The following PKHD1 variants were observed in gnomAD, a reference collection of about 807,000 sequenced individuals.
PKHD1 encodes fibrocystin.
Under a neutral mutation model 412.0 loss-of-function variants are expected in PKHD1, and 291 were observed. The ratio of observed to expected loss-of-function variants is 0.71; its 90% CI spans 0.64 to 0.78. PKHD1 has a LOEUF of 0.78. Ranked by LOEUF, PKHD1 falls within the 30% of genes least tolerant of loss-of-function variation. The pLI is 0.00. For synonymous variants in PKHD1, 1,777 were observed against 1,821.5 expected (o/e 0.98, Z 0.62); for missense variants, 4,825 against 4,950.7 (o/e 0.97, Z 0.76).
chr6:51,771,834 T>A (rs1202295916), intron 55 of PKHD1, among the ~76,000 whole-genome samples: 1 of 152,132 alleles, frequency 6.6e-6, no homozygotes, highest in Admixed American at 6.6e-5. Context: ...TCACAATATT[T>A]TTTTCCTTAA....
rs949358426 is a variant in PKHD1 at position 52,069,315 on chromosome 6, AC to A, written c.778+141del. 5.3e-6 allele frequency: 4 copies of A among 753,072 alleles called. No homozygotes were observed. The African/African-American group carries it at 6.9e-5, about 13-fold the overall frequency. 46.6% of individuals were successfully genotyped at this position (753,072 alleles called of 1,614,324 possible). ...CATGGATACAAGCAATTTAATCTCA[AC>A]CAAAAACACCAGGCTGTCTATGATT... is the stretch of plus-strand genomic sequence containing the variant. On this transcript the variant is annotated intron_variant, in intron 11 of 66. Coordinates refer to ENST00000371117, the MANE Select transcript of PKHD1 (RefSeq NM_138694.4).
intron 64 of PKHD1, among the ~76,000 whole-genome samples, chr6:51,637,514 C>T (rs1042344424): frequency 6.6e-6 from 1 of 151,564 alleles, no homozygotes; most frequent in Admixed American, 6.6e-5. Context: ...CCAGGAAGAA[C>T]ATGAAACTGG....
At chr6:52,074,856 C>G (rs1020651629) in intron 6 of PKHD1, among the ~76,000 whole-genome samples, 2 of 152,168 alleles carry the variant, frequency 1.3e-5, no homozygotes, top group Non-Finnish European at 2.9e-5. Flanking sequence ...GGATCCTGCC[C>G]AGGGGGGACC....
At chr6:51,900,721 A>C (rs1781108774) in intron 43 of PKHD1, among the ~76,000 whole-genome samples, 1 of 151,512 alleles carries the variant, frequency 6.6e-6, no homozygotes. Context: ...AACTACCATC[A>C]GAGTGAACAG....
At chr6:51,651,328 T>C (rs1770928257) in intron 61 of PKHD1, among the ~76,000 whole-genome samples, 2 of 152,304 alleles carry the variant, frequency 1.3e-5, no homozygotes, top group South Asian at 4.1e-4. Flanking sequence ...TTTTTTACGA[T>C]ATGTTATAAT....
intron 27 of PKHD1, among the ~76,000 whole-genome samples, chr6:52,039,764 A>G (rs1479027490): frequency 6.6e-6 from 1 of 152,202 alleles, no homozygotes; most frequent in African/African-American, 2.4e-5. Context: ...TATATACCCA[A>G]AAGAACTGAA....
intron 6 of PKHD1, among the ~76,000 whole-genome samples, chr6:52,075,981 A>G (rs923449876): frequency 1.2e-4 from 19 of 152,290 alleles, no homozygotes; most frequent in Middle Eastern, 6.8e-3. Context: ...ATAAAGTTAA[A>G]AGCAAGGATG....
chr6:51,689,666 T>C (rs1229204673), intron 60 of PKHD1, among the ~76,000 whole-genome samples: 1 of 152,174 alleles, frequency 6.6e-6, no homozygotes, highest in Non-Finnish European at 1.5e-5. Context: ...ACAAAATCAA[T>C]GTGCAAAAAT....
At chr6:51,699,420 CT>C (rs1473341901) in intron 60 of PKHD1, among the ~76,000 whole-genome samples, 2 of 152,146 alleles carry the variant, frequency 1.3e-5, no homozygotes, top group African/African-American at 4.8e-5. Flanking sequence ...TAGTTTGTCC[CT>C]TTTTACTTCT....
intron 60 of PKHD1, among the ~76,000 whole-genome samples, chr6:51,735,783 A>T (rs1295883417): frequency 6.6e-6 from 1 of 151,964 alleles, no homozygotes. Context: ...TTTTAAAAAA[A>T]ACTAGCCAGG....
intron 3 of PKHD1, 49 bp downstream of exon 3, chr6:52,083,129 T>C (rs768260507): frequency 1.9e-5 from 23 of 1,186,140 alleles, no homozygotes; most frequent in Non-Finnish European, 2.8e-5. Context: ...GTCTTTAGGA[T>C]TGTGGGTCAA....
At chr6:52,028,384 T>C (rs751396588) in intron 29 of PKHD1, 33 bp from the exon 30 acceptor site, 9 of 1,582,492 alleles carry the variant, frequency 5.7e-6, no homozygotes, top group Non-Finnish European at 6.9e-6. Flanking sequence ...GCCTCTGACA[T>C]GTGGGGTTTG....
chr6:52,076,323 G>A lies in PKHD1; in HGVS notation c.401C>T (p.Ala134Val), dbSNP rs374645464. Reference sequence around the variant, plus strand: ...AACTTGGTGAACGATGGGTGTCTGCGCCTTGGAAAACTGTTTAGAAAATAG... The same window carrying A: ...AACTTGGTGAACGATGGGTGTCTGCACCTTGGAAAACTGTTTAGAAAATAG... ...RDSCTFKFSK[A>V]QTPIVHQVYP... is the part of the protein sequence containing the mutation. The change falls in exon 6 of 67, where the codon GCG becomes GTG. Residue 134 changes from alanine to valine, a missense_variant. Ala to Val is a moderately conservative substitution (Grantham distance 64). Coordinates refer to ENST00000371117, the MANE Select transcript of PKHD1 (RefSeq NM_138694.4). The A allele has an allele frequency of 2.1e-5, 34 of 1,612,102 alleles. No homozygotes were observed. The highest frequency in any genetic ancestry group is 1.7e-4 in the Middle Eastern group (1 of 6,056).
chr6:52,026,278 T>C, intron 31 of PKHD1, 97 bp from the exon 32 acceptor site: 1 of 1,171,374 alleles, frequency 8.5e-7, no homozygotes, highest in Non-Finnish European at 1.3e-6. Flanking sequence ...AAGTGGAAGG[T>C]AGGGCATGTG....
In PKHD1 at chr6:51,854,378, A is replaced by G. The variant is rs556749742; in HGVS notation, c.7911+1515T>C. Among the ~76,000 whole-genome samples, 6 of 152,018 alleles carry G rather than the reference A, an allele frequency of 3.9e-5. No individual in the cohort carries two copies. In the South Asian group the frequency reaches 6.3e-4, roughly 16 times the overall value. On this transcript the variant is annotated intron_variant, in intron 49 of 66. Transcript: ENST00000371117. ...TCGCTCCTGTATAGGGTGTCTGACA[A>G]CCTCTGTTGGAGGATCTCACCCAGT...
intron 43 of PKHD1, among the ~76,000 whole-genome samples, chr6:51,893,075 A>G (rs1583230236): frequency 6.6e-6 from 1 of 152,346 alleles, no homozygotes; most frequent in African/African-American, 2.4e-5. Flanking sequence ...CGAGGGCCAG[A>G]GAAGGGGGCT....
chr6:51,992,598 C>T (rs748357028), intron 35 of PKHD1, among the ~76,000 whole-genome samples: 2 of 152,188 alleles, frequency 1.3e-5, no homozygotes, highest in Non-Finnish European at 2.9e-5. Context: ...AATTTTAGAA[C>T]AATTTTACCA....
chr6:51,721,080 C>T (rs890455311), intron 60 of PKHD1: 3 of 984,300 alleles, frequency 3.0e-6, no homozygotes, highest in Non-Finnish European at 3.6e-6. Flanking sequence ...TCAAATCACA[C>T]TGTATCTGTA....
At position 51,963,926 on chromosome 6, in the gene PKHD1, A is replaced by C. The variant is rs766760327; in HGVS notation, c.5752-3900T>G. On this transcript the variant is annotated intron_variant, in intron 35 of 66. Transcript: ENST00000371117. ...TAGTGTTCTTCCTGGAGATAAACAC[A>C]TCACTCATTCTTATTCTGCAGATGA... Among the ~76,000 whole-genome samples, 91 of 152,084 alleles carry C rather than the reference A, an allele frequency of 6.0e-4. 1 individual carries two copies. The highest frequency in any genetic ancestry group is 7.9e-4 in the Non-Finnish European group (54 of 67,990).
Sources: allele counts gnomAD v4.1 joint callset (sites outside exome capture counted in the v4.1 genomes callset), GRCh38; gene constraint gnomAD v4.1.1; transcripts MANE v1.5; gene names NCBI Gene and HGNC (gene_info 2026-07-23, HGNC 2026-07-21).